The following HS3ST4 variants were observed in gnomAD, a reference collection of about 807,000 sequenced individuals.
The protein encoded by HS3ST4 is heparan sulfate-glucosamine 3-sulfotransferase 4.
A neutral mutation model predicts 29.2 loss-of-function variants in HS3ST4; 17 were observed. That is an observed-to-expected ratio of 0.58 (90% CI 0.40 to 0.87). HS3ST4 has a LOEUF of 0.87. Among genes scored for constraint, HS3ST4 ranks in the 40% least tolerant of loss-of-function variants. The pLI is 0.00. For missense variants in HS3ST4, 627 were observed against 634.5 expected, an observed-to-expected ratio of 0.99 and a Z score of 0.13; for synonymous variants, 314 against 285.7, an observed-to-expected ratio of 1.10 and a Z score of -1.00.
intron 1 of HS3ST4, among the ~76,000 whole-genome samples, chr16:25,852,030 T>G (rs1967527033): frequency 6.6e-6 from 1 of 152,110 alleles, no homozygotes; most frequent in Non-Finnish European, 1.5e-5. Context: ...ATGAGAAAGG[T>G]GACATATAGA....
chr16:25,771,995 T>G (rs74012472), intron 1 of HS3ST4, among the ~76,000 whole-genome samples: 4,840 of 152,296 alleles, frequency 0.032, 243 homozygotes, highest in African/African-American at 0.11. Context: ...GTTGGCAAAC[T>G]TTTTCTGTAA....
intron 1 of HS3ST4, among the ~76,000 whole-genome samples, chr16:26,128,127 C>T (rs766791944): frequency 3.9e-5 from 6 of 152,110 alleles, no homozygotes; most frequent in Non-Finnish European, 7.4e-5. Flanking sequence ...TCTCCTCTCT[C>T]GTAGGCATGT....
chr16:25,724,974 A>AT (rs1261494385), intron 1 of HS3ST4, among the ~76,000 whole-genome samples: 3 of 140,300 alleles, frequency 2.1e-5, no homozygotes, highest in African/African-American at 8.1e-5. Context: ...GAGATTAGGT[A>AT]TTTTTTGTGC....
chr16:25,950,720 G>A (rs986278675), intron 1 of HS3ST4, among the ~76,000 whole-genome samples: 3 of 152,050 alleles, frequency 2.0e-5, no homozygotes, highest in East Asian at 1.9e-4. Flanking sequence ...AAAGAGCATC[G>A]ACTTTGGAGT....
At chr16:25,704,924 G>T (rs1966365138) in intron 1 of HS3ST4, among the ~76,000 whole-genome samples, 1 of 151,584 alleles carries the variant, frequency 6.6e-6, no homozygotes, top group Non-Finnish European at 1.5e-5. Flanking sequence ...TGCTCTGTTG[G>T]TTGCCCAGGC....
intron 1 of HS3ST4, among the ~76,000 whole-genome samples, chr16:25,876,661 A>G (rs553497047): frequency 2.6e-5 from 4 of 152,116 alleles, no homozygotes; most frequent in Non-Finnish European, 5.9e-5. Context: ...ATCCCACTCA[A>G]TCAACAGTGC....
At chr16:26,040,759 A>G (rs534479969) in intron 1 of HS3ST4, among the ~76,000 whole-genome samples, 83 of 152,130 alleles carry the variant, frequency 5.5e-4, no homozygotes, top group Non-Finnish European at 8.5e-4. Context: ...CATAAGTATT[A>G]CCCTTAACAT....
In HS3ST4 at chr16:25,779,943, C is replaced by T. The variant is rs117722413; in HGVS notation, c.734+86792C>T. On this transcript the variant is annotated intron_variant, in intron 1 of 1. Coordinates refer to ENST00000331351, the MANE Select transcript of HS3ST4 (RefSeq NM_006040.3). ...GCACTGGCATTGTCAAAGGAGGAGT[C>T]CATTTCCACTGATTTCATTCCGAGG... 6.0e-3 allele frequency among the ~76,000 whole-genome samples: 915 copies of T among 152,288 alleles called. 10 individuals are homozygous for T. Among genetic ancestry groups the T allele is most frequent in the Non-Finnish European group, 5.7e-3 (387 of 68,018 alleles).
At chr16:25,998,735 T>G (rs1030669852) in intron 1 of HS3ST4, among the ~76,000 whole-genome samples, 1 of 152,080 alleles carries the variant, frequency 6.6e-6, no homozygotes, top group Non-Finnish European at 1.5e-5. Context: ...TAGTCAAAAT[T>G]TGAGAACTAG....
At chr16:25,816,950 A>G (rs972028141) in intron 1 of HS3ST4, among the ~76,000 whole-genome samples, 17 of 152,244 alleles carry the variant, frequency 1.1e-4, no homozygotes, top group African/African-American at 2.6e-4. Flanking sequence ...TGGATTGTCC[A>G]TTCATGAGGG....
chr16:25,919,063 TC>T (rs1231337557), intron 1 of HS3ST4, among the ~76,000 whole-genome samples: 3 of 152,140 alleles, frequency 2.0e-5, no homozygotes, highest in Non-Finnish European at 4.4e-5. Flanking sequence ...CCTCTCTTTG[TC>T]CCCCAGGCTG....
chr16:25,873,272 GTCCATTCA>G (rs200128628), intron 1 of HS3ST4, among the ~76,000 whole-genome samples: 12,207 of 138,270 alleles, frequency 0.088, 649 homozygotes, highest in East Asian at 0.2. Context: ...CCATCCATTT[GTCCATTCA>G]TCCATCCATC....
intron 1 of HS3ST4, among the ~76,000 whole-genome samples, chr16:26,062,295 T>C (rs1898485195): frequency 6.6e-6 from 1 of 152,228 alleles, no homozygotes; most frequent in South Asian, 2.1e-4. Context: ...TGCTGTTTAA[T>C]GTCCTCTGGG....
chr16:25,778,604 T>A (rs546151520), intron 1 of HS3ST4, among the ~76,000 whole-genome samples: 1 of 152,278 alleles, frequency 6.6e-6, no homozygotes, highest in East Asian at 1.9e-4. Flanking sequence ...TCAGTAGATT[T>A]TGAATAGAGC....
At chr16:25,812,645 T>C (rs993110300) in intron 1 of HS3ST4, among the ~76,000 whole-genome samples, 6 of 152,078 alleles carry the variant, frequency 3.9e-5, no homozygotes, top group Admixed American at 1.3e-4. Context: ...TCCCATGCAG[T>C]ATCCCACTCA....
At chr16:25,699,937 CCT>C (rs1243547781) in intron 1 of HS3ST4, among the ~76,000 whole-genome samples, 1 of 152,150 alleles carries the variant, frequency 6.6e-6, no homozygotes, top group Non-Finnish European at 1.5e-5. Context: ...CCTCTTCTTT[CCT>C]CTCTCTCCCA....
At position 26,136,049 on chromosome 16, in the gene HS3ST4, C is replaced by A; in HGVS notation, c.1172C>A (p.Thr391Asn). 2 of 1,613,838 alleles carry A rather than the reference C, an allele frequency of 1.2e-6. No individual in the cohort carries two copies. The highest frequency in any genetic ancestry group is 1.7e-6 in the Non-Finnish European group (2 of 1,179,846). The part of the protein sequence containing the change: ...VTEKHFYFNK[T>N]KGFPCLKKPE... ...GAGAAGCATTTCTATTTCAACAAAA[C>A]CAAGGGGTTCCCTTGCCTAAAGAAG... The change falls in exon 2 of 2, where the codon ACC becomes AAC. Residue 391 changes from threonine (T) to asparagine (N), a missense_variant. Physicochemically the swap from Thr to Asn is moderately conservative, Grantham distance 65. This residue lies in a region of HS3ST4 where 225 missense variants were observed against 293.7 expected (regional missense o/e 0.77). Coordinates refer to ENST00000331351, the MANE Select transcript of HS3ST4 (RefSeq NM_006040.3).
intron 1 of HS3ST4, among the ~76,000 whole-genome samples, chr16:25,921,944 G>A (rs554326961): frequency 2.6e-5 from 4 of 151,860 alleles, no homozygotes; most frequent in South Asian, 2.1e-4. Context: ...TTGTAGAGAT[G>A]GGGTTTTGCC....
chr16:25,735,825 T>C (rs1966605142), intron 1 of HS3ST4, among the ~76,000 whole-genome samples: 2 of 152,158 alleles, frequency 1.3e-5, no homozygotes, highest in South Asian at 4.1e-4. Context: ...AGCCTACCAC[T>C]GTGAGCCTAA....
Sources: gnomAD v4.1 joint callset for allele counts (sites outside exome capture counted in the v4.1 genomes callset) on GRCh38, gnomAD v4.1.1 for gene constraint, gnomAD v4.1.1 regional missense constraint, MANE v1.5 for transcripts, NCBI Gene and HGNC (gene_info 2026-07-23, HGNC 2026-07-21) for gene names.